IRAK1BP1: variants seen among roughly 807,000 people sequenced by gnomAD.
IRAK1BP1 encodes the protein interleukin 1 receptor associated kinase 1 binding protein 1.
A neutral mutation model predicts 28.0 loss-of-function variants in IRAK1BP1; 24 were observed. The ratio of observed to expected loss-of-function variants is 0.86; its 90% confidence interval spans 0.62 to 1.20. The LOEUF (loss-of-function observed/expected upper bound fraction) is 1.20. Ranked by LOEUF, IRAK1BP1 falls within the 50% of genes most tolerant of loss-of-function variation. The pLI is 0.00. For synonymous variants in IRAK1BP1, 131 were observed against 116.3 expected (o/e 1.13, Z -0.81); for missense variants, 336 against 316.7 (o/e 1.06, Z -0.46).
intron 4 of IRAK1BP1, among the ~76,000 whole-genome samples, chr6:78,922,402 C>G (rs1418612722): frequency 1.3e-5 from 2 of 152,142 alleles, no homozygotes; most frequent in Non-Finnish European, 2.9e-5. Context: ...TGAACAAAGC[C>G]TCCAAAAATA....
intron 4 of IRAK1BP1, among the ~76,000 whole-genome samples, chr6:78,918,297 A>C (rs1035811287): frequency 1.3e-5 from 2 of 151,424 alleles, no homozygotes; most frequent in Non-Finnish European, 2.9e-5. Flanking sequence ...ACCCTGTCTC[A>C]AAAAAAAATT....
chr6:78,890,989 A>C (rs1771637601), intron 2 of IRAK1BP1, among the ~76,000 whole-genome samples: 1 of 152,182 alleles, frequency 6.6e-6, no homozygotes, highest in African/African-American at 2.4e-5. Flanking sequence ...GAAAAACAGG[A>C]GTTCCCAGGT....
intron 4 of IRAK1BP1, among the ~76,000 whole-genome samples, chr6:78,931,934 C>G (rs552933245): frequency 6.6e-6 from 1 of 152,164 alleles, no homozygotes; most frequent in Non-Finnish European, 1.5e-5. Flanking sequence ...GTAGAACTTT[C>G]GAAATTGGAG....
chr6:78,892,494 G>A (rs1038889521), intron 2 of IRAK1BP1, among the ~76,000 whole-genome samples: 1 of 151,950 alleles, frequency 6.6e-6, no homozygotes, highest in Admixed American at 6.5e-5. Flanking sequence ...TGCTATTTCA[G>A]TATGAACTGT....
intron 1 of IRAK1BP1, chr6:78,871,874 G>C: frequency 2.0e-6 from 1 of 506,220 alleles, no homozygotes; most frequent in Non-Finnish European, 3.5e-6. Flanking sequence ...TGTATCCTTT[G>C]GCACTTCACA....
chr6:78,868,912 G>A (rs1770692874), intron 1 of IRAK1BP1, among the ~76,000 whole-genome samples: 1 of 152,134 alleles, frequency 6.6e-6, no homozygotes, highest in South Asian at 2.1e-4. Context: ...TGCAGGCATT[G>A]TTACTTCCAG....
chr6:78,965,260 C>A, the IRAK1BP1 span, among the ~76,000 whole-genome samples: 1 of 152,076 alleles, frequency 6.6e-6, no homozygotes, highest in Non-Finnish European at 1.5e-5. Context: ...AGGCCGAGTA[C>A]TAAAAAGTTG....
intron 1 of IRAK1BP1, among the ~76,000 whole-genome samples, chr6:78,875,050 T>C (rs1385594915): frequency 1.3e-5 from 2 of 151,454 alleles, no homozygotes; most frequent in Non-Finnish European, 2.9e-5. Context: ...AAAAAAACAA[T>C]CTCGTGAAAA....
chr6:78,945,166 A>G lies in IRAK1BP1; in HGVS notation c.*68-242A>G, dbSNP rs76962186. 2.6e-3 allele frequency: 1,701 copies of G among 659,404 alleles called. 22 individuals are homozygous for G. The highest frequency in any genetic ancestry group is 0.025 in the African/African-American group (1,355 of 54,912). The allele number at this position is 659,404 out of a possible 1,614,324, so 40.8% of individuals were successfully genotyped here. ...TGGCACAATAATAGCTCATTGCAGTAAATTTATCAACTAATACAGATGTGT... is the reference window on the plus strand; with the variant it reads ...TGGCACAATAATAGCTCATTGCAGTGAATTTATCAACTAATACAGATGTGT... On this transcript the variant is annotated intron_variant and NMD_transcript_variant, in intron 4 of 4. Transcript: ENST00000606868.
rs546770621 is a variant in IRAK1BP1, at chr6:78,902,765, C to A, written c.*4431C>A. On this transcript the variant is annotated 3_prime_UTR_variant, in exon 4 of 4. Transcript: ENST00000369940. ...CAGCCTGGGTGACAAAGTGAGACTC[C>A]ATCTACATACATACATACATACATA... is the stretch of plus-strand genomic sequence containing the variant. 5.7e-6 allele frequency: 2 copies of A among 350,006 alleles called. No individual in the cohort carries two copies. Among genetic ancestry groups the A allele is most frequent in the South Asian group, 1.5e-4 (2 of 13,558 alleles). 21.7% of individuals were successfully genotyped at this position (350,006 alleles called of 1,614,324 possible).
At chr6:78,966,407 T>C in the IRAK1BP1 span, among the ~76,000 whole-genome samples, 2 of 152,122 alleles carry the variant, frequency 1.3e-5, no homozygotes, top group Non-Finnish European at 2.9e-5. Flanking sequence ...TTGCGGCAAG[T>C]TCCACTCAAC....
At chr6:78,972,353 A>T in the IRAK1BP1 span, among the ~76,000 whole-genome samples, 1 of 152,226 alleles carries the variant, frequency 6.6e-6, no homozygotes, top group Admixed American at 6.5e-5. Context: ...AACAGAAAGG[A>T]CATCCACATC....
At chr6:78,966,406 G>A in the IRAK1BP1 span, among the ~76,000 whole-genome samples, 1 of 152,084 alleles carries the variant, frequency 6.6e-6, no homozygotes, top group Non-Finnish European at 1.5e-5. Context: ...ATTGCGGCAA[G>A]TTCCACTCAA....
At chr6:78,871,216 C>T in intron 1 of IRAK1BP1, 6 of 966,302 alleles carry the variant, frequency 6.2e-6, no homozygotes, top group Non-Finnish European at 7.4e-6. Flanking sequence ...TTATTTTCTT[C>T]TCTCTCCAAC....
At chr6:78,884,003 G>T (rs1284484486) in intron 1 of IRAK1BP1, among the ~76,000 whole-genome samples, 1 of 152,088 alleles carries the variant, frequency 6.6e-6, no homozygotes, top group African/African-American at 2.4e-5. Context: ...TGTAGATAAG[G>T]GAGAACTACT....
Position 78,899,430 on chromosome 6 carries a change from A to C in IRAK1BP1, c.*1096A>C, listed in dbSNP as rs1348791906. 1 of 152,240 alleles carries C rather than the reference A, an allele frequency of 6.6e-6. No individual in the cohort carries two copies. Among genetic ancestry groups the C allele is most frequent in the Non-Finnish European group, 1.5e-5 (1 of 68,042 alleles). The allele number at this position is 152,240 out of a possible 1,614,324, so 9.4% of individuals were successfully genotyped here. A position where few individuals can be genotyped will look rare whatever the true frequency, so the allele number is the denominator to read the frequency against. ...TGATAAATAATTCATAGCTTTTTACAAAAGAATAATGAGGTATAATAGGAA... is the reference window on the plus strand; with the variant it reads ...TGATAAATAATTCATAGCTTTTTACCAAAGAATAATGAGGTATAATAGGAA... On this transcript the variant is annotated 3_prime_UTR_variant, in exon 4 of 4. Transcript: ENST00000369940.
chr6:78,958,249 G>A, the IRAK1BP1 span: 19 of 356,856 alleles, frequency 5.3e-5, no homozygotes, highest in African/African-American at 2.7e-4. Context: ...ATGGTAATAC[G>A]ATTTTTATGA....
At chr6:78,954,850 C>T in the IRAK1BP1 span, 1 of 1,582,036 alleles carries the variant, frequency 6.3e-7, no homozygotes, top group African/African-American at 1.4e-5. Flanking sequence ...GACGGAAAGG[C>T]TCTGAATCTT....
At chr6:78,960,450 C>CT in the IRAK1BP1 span, among the ~76,000 whole-genome samples, 1,576 of 137,412 alleles carry the variant, frequency 0.011, 9 homozygotes, top group African/African-American at 0.019. Context: ...TTAGGAATTC[C>CT]TTTTTTTTTT....
Sources: allele counts gnomAD v4.1 joint callset (sites outside exome capture counted in the v4.1 genomes callset), GRCh38; gene constraint gnomAD v4.1.1; transcripts MANE v1.5; gene names NCBI Gene and HGNC (gene_info 2026-07-23, HGNC 2026-07-21).